Variants in UBASH3A observed in about 807,000 individuals in gnomAD.
UBASH3A encodes the protein ubiquitin associated and SH3 domain containing A.
A neutral mutation model predicts 73.5 loss-of-function variants in UBASH3A; 63 were observed. The ratio of observed to expected loss-of-function variants is 0.86; its 90% CI spans 0.70 to 1.06. UBASH3A has a LOEUF of 1.06. Among genes scored for constraint, UBASH3A ranks in the 50% least tolerant of loss-of-function variants. The probability of loss-of-function intolerance (pLI) is 0.00; values close to 1 mark genes in which losing one functional copy is unlikely to be tolerated. For missense variants in UBASH3A, 860 were observed against 859.0 expected (o/e 1.00, Z -0.02); for synonymous variants, 363 against 351.1 (o/e 1.03, Z -0.38).
In UBASH3A at chr21:42,418,415, A is replaced by C. The variant is rs770182023; in HGVS notation, c.852A>C (p.Leu284=). ...RFVHYQTLRA[L]FQYKPQNVDE... is the part of the protein sequence containing the mutation. ...CTCTTTTCTAGACCCTGAGAGCCCT[A>C]TTCCAGTACAAACCCCAGAACGTGG... is the stretch of plus-strand genomic sequence containing the variant. The change falls in exon 7 of 15, where the codon CTA becomes CTC. Residue 284 remains leucine (L), a synonymous_variant. Transcript: ENST00000319294. The C allele has an allele frequency of 1.9e-6, 3 of 1,614,008 alleles. No individual in the cohort carries two copies. In the South Asian group the frequency reaches 3.3e-5, roughly 18 times the overall value.
At chr21:42,426,099 T>C (rs2053429494) in intron 7 of UBASH3A, among the ~76,000 whole-genome samples, 2 of 151,642 alleles carry the variant, frequency 1.3e-5, no homozygotes, top group East Asian at 1.9e-4. Context: ...CTGGGAAGAG[T>C]TGAGGTTACA....
intron 11 of UBASH3A, among the ~76,000 whole-genome samples, chr21:42,438,437 G>A (rs1290028039): frequency 6.6e-6 from 1 of 152,200 alleles, no homozygotes; most frequent in Non-Finnish European, 1.5e-5. Flanking sequence ...GCTGGGAGAT[G>A]CAGAGTGACC....
intron 1 of UBASH3A, among the ~76,000 whole-genome samples, 177 bp from the exon 2 acceptor site, chr21:42,406,131 A>G (rs1359830349): frequency 6.6e-6 from 1 of 151,886 alleles, no homozygotes; most frequent in Non-Finnish European, 1.5e-5. Flanking sequence ...ATTGTCCAAA[A>G]CCACGATGGC....
intron 11 of UBASH3A, among the ~76,000 whole-genome samples, chr21:42,438,223 T>G (rs2146594062): frequency 6.6e-6 from 1 of 152,222 alleles, no homozygotes; most frequent in Non-Finnish European, 1.5e-5. Flanking sequence ...AGAGAGCATG[T>G]CGCCTCCATG....
chr21:42,419,867 T>C (rs1312338616), intron 7 of UBASH3A, among the ~76,000 whole-genome samples: 2 of 152,222 alleles, frequency 1.3e-5, no homozygotes, highest in Non-Finnish European at 2.9e-5. Context: ...ATCGGCTTTG[T>C]GTTAGATTAT....
chr21:42,410,110 T>C (rs910968415), intron 3 of UBASH3A: 2 of 702,324 alleles, frequency 2.8e-6, no homozygotes, highest in East Asian at 2.7e-5. Context: ...CTTTTCCCTG[T>C]CTCAGGGACC....
intron 1 of UBASH3A, among the ~76,000 whole-genome samples, chr21:42,404,665 C>T (rs1278132301): frequency 6.6e-6 from 1 of 152,172 alleles, no homozygotes; most frequent in African/African-American, 2.4e-5. Flanking sequence ...GTGAAAGGCC[C>T]CAAAGCCCGC....
intron 2 of UBASH3A, 113 bp downstream of exon 2, chr21:42,406,474 A>G (rs1358461795): frequency 1.2e-6 from 1 of 858,354 alleles, no homozygotes; most frequent in African/African-American, 1.7e-5. Context: ...TCTGGGTGGG[A>G]TGGGGCCACT....
At chr21:42,445,837 A>T (rs890357112) in intron 14 of UBASH3A, among the ~76,000 whole-genome samples, 1 of 152,114 alleles carries the variant, frequency 6.6e-6, no homozygotes, top group African/African-American at 2.4e-5. Context: ...TTGTCCAAAT[A>T]GGGCAGCTCA....
chr21:42,419,811 A>C (rs78165990), intron 7 of UBASH3A, among the ~76,000 whole-genome samples: 2,619 of 152,332 alleles, frequency 0.017, 77 homozygotes, highest in African/African-American at 0.059. Flanking sequence ...CATTTTCAGT[A>C]CAACATTCAA....
chr21:42,408,617 A>G (rs1380658690), intron 2 of UBASH3A, among the ~76,000 whole-genome samples: 3 of 152,178 alleles, frequency 2.0e-5, no homozygotes, highest in African/African-American at 7.2e-5. Flanking sequence ...TATCCTTTTT[A>G]TTGAAAAAAT....
At chr21:42,404,191 C>T in intron 1 of UBASH3A, 133 bp downstream of exon 1, 1 of 435,100 alleles carries the variant, frequency 2.3e-6, no homozygotes, top group Non-Finnish European at 4.0e-6. Context: ...CAGGGTAAGA[C>T]ACTGCCTCTT....
intron 5 of UBASH3A, among the ~76,000 whole-genome samples, chr21:42,414,493 C>T (rs1464551052): frequency 1.3e-5 from 2 of 152,068 alleles, no homozygotes; most frequent in Admixed American, 6.5e-5. Flanking sequence ...GTGTGTAGAG[C>T]GGTGTCCCCT....
At chr21:42,443,135 A>G (rs921123335) in intron 12 of UBASH3A, 177 bp from the exon 13 acceptor site, 2 of 1,395,162 alleles carry the variant, frequency 1.4e-6, no homozygotes, top group Non-Finnish European at 9.3e-7. Context: ...CTGGAGATTG[A>G]CTGTCAGTGC....
At chr21:42,404,639 A>G (rs780423701) in intron 1 of UBASH3A, among the ~76,000 whole-genome samples, 3 of 152,184 alleles carry the variant, frequency 2.0e-5, no homozygotes, top group African/African-American at 7.2e-5. Context: ...GCGTTTCAAG[A>G]TATTCAAACT....
intron 11 of UBASH3A, among the ~76,000 whole-genome samples, chr21:42,439,728 ACC>A (rs2053696752): frequency 1.5e-5 from 2 of 129,182 alleles, no homozygotes; most frequent in African/African-American, 3.0e-5. Flanking sequence ...ACACCCACAC[ACC>A]ACACACACCC....
intron 3 of UBASH3A, chr21:42,410,317 CCA>C (rs2053064255): frequency 1.7e-6 from 1 of 602,966 alleles, no homozygotes; most frequent in South Asian, 2.0e-5. Flanking sequence ...AAGGGCACAC[CCA>C]CTTCTGCTAC....
intron 1 of UBASH3A, 52 bp from the exon 2 acceptor site, chr21:42,406,255 CT>C: frequency 6.5e-7 from 1 of 1,526,760 alleles, no homozygotes; most frequent in Non-Finnish European, 9.1e-7. Context: ...CTCTCTGACC[CT>C]TTTCCCAAGA....
rs930720613 is a variant in UBASH3A, at chr21:42,446,749, G to A, written c.1849-308G>A. ...CAGCCTGCAGACCTTTGTGGTGGGG[G>A]CTGTTCTACTCATTGTAGGATGTAC... On this transcript the variant is annotated intron_variant, in intron 14 of 14. Transcript: ENST00000319294. Among the ~76,000 whole-genome samples, 5 of 152,232 alleles carry A rather than the reference G, an allele frequency of 3.3e-5. No homozygotes were observed. The South Asian group carries it at 1.0e-3, about 32-fold the overall frequency.
Sources: gnomAD v4.1 joint callset for allele counts (sites outside exome capture counted in the v4.1 genomes callset) on GRCh38, gnomAD v4.1.1 for gene constraint, MANE v1.5 for transcripts, NCBI Gene and HGNC (gene_info 2026-07-23, HGNC 2026-07-21) for gene names.